Variants in RNF17 observed in about 807,000 individuals in gnomAD.
The protein encoded by RNF17 is spermatogenesis associated 23.
In RNF17, 31 loss-of-function variants were observed where a neutral mutation model predicts 200.5. The observed-to-expected ratio is 0.15, with a 90% confidence interval of 0.12 to 0.21. The LOEUF (loss-of-function observed/expected upper bound fraction) is 0.21, where lower values mean the gene tolerates loss of function less well. Ranked by LOEUF, RNF17 falls within the 10% of genes least tolerant of loss-of-function variation. The pLI is 1.00. For synonymous variants in RNF17, 606 were observed against 637.8 expected, an observed-to-expected ratio of 0.95 and a Z score of 0.75; for missense variants, 1,628 against 1,905.1, an observed-to-expected ratio of 0.85 and a Z score of 2.71.
At position 24,764,250 on chromosome 13, in the gene RNF17, A is replaced by G. The variant is rs775805483; in HGVS notation, c.47A>G (p.Gln16Arg). 2 of 1,609,836 alleles carry G rather than the reference A, an allele frequency of 1.2e-6. No individual in the cohort carries two copies. The highest frequency in any genetic ancestry group is 1.7e-6 in the Non-Finnish European group (2 of 1,176,784). ...SKTGPSRSSY[Q>R]RMGRKSQPWG... Reference sequence around the variant, plus strand: ...ACTGGGCCTTCTAGGTCTTCCTACCAGCGAATGGGGAGGAAGAGTCAGCCC... The same window carrying G: ...ACTGGGCCTTCTAGGTCTTCCTACCGGCGAATGGGGAGGAAGAGTCAGCCC... The change falls in exon 1 of 36, where the codon CAG (glutamine) becomes CGG (arginine). Residue 16 changes from glutamine (Q) to arginine (R), a missense_variant. Physicochemically the swap from Gln to Arg is conservative, Grantham distance 43. This residue lies in a region of RNF17 where 502 missense variants were observed against 501.7 expected (regional missense o/e 1.00). Coordinates refer to ENST00000255324, the MANE Select transcript of RNF17 (RefSeq NM_031277.3).
intron 22 of RNF17, among the ~76,000 whole-genome samples, chr13:24,846,386 T>C (rs557592758): frequency 6.6e-6 from 1 of 152,352 alleles, no homozygotes; most frequent in East Asian, 1.9e-4. Flanking sequence ...ATCTAGCCTC[T>C]AAGCCAAAAA....
At chr13:24,826,492 A>C (rs1888651505) in intron 16 of RNF17, among the ~76,000 whole-genome samples, 1 of 152,158 alleles carries the variant, frequency 6.6e-6, no homozygotes, top group African/African-American at 2.4e-5. Context: ...AAGAGTAAAA[A>C]GCCAGTGTGG....
chr13:24,869,153 A>C (rs1481913058), intron 31 of RNF17, among the ~76,000 whole-genome samples: 1 of 152,190 alleles, frequency 6.6e-6, no homozygotes, highest in Non-Finnish European at 1.5e-5. Context: ...AACCTAGAAT[A>C]GTGCCTGTTA....
intron 25 of RNF17, among the ~76,000 whole-genome samples, chr13:24,857,665 A>G (rs1224512997): frequency 6.6e-6 from 1 of 152,192 alleles, no homozygotes; most frequent in African/African-American, 2.4e-5. Flanking sequence ...ACTTCAGGTC[A>G]AGGCAGGAAG....
At chr13:24,837,069 G>T (rs1200006569) in intron 18 of RNF17, among the ~76,000 whole-genome samples, 2 of 152,290 alleles carry the variant, frequency 1.3e-5, no homozygotes, top group African/African-American at 4.8e-5. Context: ...ACGAGCAAGG[G>T]TAGTTATTCT....
At chr13:24,884,215 G>A, downstream of RNF17, 5 of 1,614,186 alleles carry the variant, frequency 3.1e-6, no homozygotes, top group Non-Finnish European at 4.2e-6. Context: ...TATGTCGTGT[G>A]AGTGGTCTGG....
At chr13:24,822,409 A>G (rs1310196748) in intron 15 of RNF17, among the ~76,000 whole-genome samples, 1 of 151,790 alleles carries the variant, frequency 6.6e-6, no homozygotes, top group Non-Finnish European at 1.5e-5. Flanking sequence ...CTGCCTAAGT[A>G]ATTTCTTTTT....
At chr13:24,851,055 C>T (rs567111690) in intron 23 of RNF17, among the ~76,000 whole-genome samples, 9 of 152,148 alleles carry the variant, frequency 5.9e-5, no homozygotes, top group Non-Finnish European at 8.8e-5. Flanking sequence ...AGTGCAGTGG[C>T]GCGATCTCGG....
At chr13:24,778,903 T>C (rs1192228833) in intron 4 of RNF17, among the ~76,000 whole-genome samples, 1 of 152,220 alleles carries the variant, frequency 6.6e-6, no homozygotes, top group Non-Finnish European at 1.5e-5. Flanking sequence ...AGATCATTAA[T>C]GGAGGCCACG....
At chr13:24,832,033 G>A (rs940667061) in intron 18 of RNF17, 55 bp downstream of exon 18, 1 of 1,223,498 alleles carries the variant, frequency 8.2e-7, no homozygotes, top group Non-Finnish European at 1.1e-6. Context: ...ATAATAATAT[G>A]AATAACATTT....
At chr13:24,787,529 C>G (rs937235804) in intron 6 of RNF17, among the ~76,000 whole-genome samples, 4 of 152,186 alleles carry the variant, frequency 2.6e-5, no homozygotes, top group African/African-American at 9.6e-5. Flanking sequence ...AGCCTGAGGT[C>G]AGGCTTAAGA....
rs759317181 is a variant in RNF17 at position 24,799,603 on chromosome 13, T to C, written c.1589+19T>C. On this transcript the variant is annotated intron_variant, in intron 12 of 35. Coordinates refer to ENST00000255324, the MANE Select transcript of RNF17 (RefSeq NM_031277.3). ...TCACTGGGTATGATATTTTATAATA[T>C]GTATCCTTGGCCTGCTTAGAAACAT... The C allele has an allele frequency of 4.0e-6, 6 of 1,510,912 alleles. No individual in the cohort carries two copies. Among genetic ancestry groups the C allele is most frequent in the Non-Finnish European group, 5.5e-6 (6 of 1,095,516 alleles). The allele number at this position is 1,510,912 out of a possible 1,614,324, so 93.6% of individuals were successfully genotyped here. A position where few individuals can be genotyped will look rare whatever the true frequency, so the allele number is the denominator to read the frequency against.
At chr13:24,759,100 A>AC in the RNF17 span, among the ~76,000 whole-genome samples, 1 of 151,474 alleles carries the variant, frequency 6.6e-6, no homozygotes, top group Non-Finnish European at 1.5e-5. Flanking sequence ...AAAAAAAAAA[A>AC]AAACAACACT....
intron 1 of RNF17, 45 bp from the exon 2 acceptor site, chr13:24,767,227 A>AGTC: frequency 7.6e-7 from 1 of 1,308,270 alleles, no homozygotes; most frequent in South Asian, 1.3e-5. Flanking sequence ...CTGTCTCAAT[A>AGTC]ATCATCATCA....
intron 2 of RNF17, among the ~76,000 whole-genome samples, chr13:24,771,029 G>A (rs1880589290): frequency 6.6e-6 from 1 of 152,200 alleles, no homozygotes; most frequent in Non-Finnish European, 1.5e-5. Context: ...GATCAGTGAA[G>A]TTGAGCAACT....
Position 24,804,313 on chromosome 13 carries a change from C to T in RNF17, c.1975C>T (p.His659Tyr). The change falls in exon 15 of 36, where the codon CAC becomes TAC. Residue 659 changes from histidine (H) to tyrosine (Y), a missense_variant. This residue lies in a region of RNF17 where 289 missense variants were observed against 384.9 expected (regional missense o/e 0.75). Coordinates refer to ENST00000255324, the MANE Select transcript of RNF17 (RefSeq NM_031277.3). ...AKFKSQSLRS[H>Y]FEKNTTLHYH... is the part of the protein sequence containing the mutation. Reference sequence around the variant, plus strand: ...GTTTAAGTCACAATCACTAAGAAGTCACTTTGAAAAAAATACTACTTTACA... The same window carrying T: ...GTTTAAGTCACAATCACTAAGAAGTTACTTTGAAAAAAATACTACTTTACA... 2 of 1,612,774 alleles carry T rather than the reference C, an allele frequency of 1.2e-6. No homozygotes were observed. The highest frequency in any genetic ancestry group is 1.7e-6 in the Non-Finnish European group (2 of 1,179,166).
Position 24,797,428 on chromosome 13 carries a change from C to T in RNF17, c.1399+1133C>T, listed in dbSNP as rs572055290. Among the ~76,000 whole-genome samples, 17 of 152,200 alleles carry T rather than the reference C, an allele frequency of 1.1e-4. No individual in the cohort carries two copies. The East Asian group carries it at 3.3e-3, about 29-fold the overall frequency. ...CATGAAGAACAGTAAATGGCTTCAG[C>T]AGACTTTTATCCATTGAAAGAAAGA... On this transcript the variant is annotated intron_variant, in intron 11 of 35. Coordinates refer to ENST00000255324, the MANE Select transcript of RNF17 (RefSeq NM_031277.3).
chr13:24,862,807 T>C lies in RNF17; in HGVS notation c.3975+14T>C. 2 of 1,398,070 alleles carry C rather than the reference T, an allele frequency of 1.4e-6. No homozygotes were observed. The highest frequency in any genetic ancestry group is 2.0e-6 in the Non-Finnish European group (2 of 991,214). 86.6% of individuals were successfully genotyped at this position (1,398,070 alleles called of 1,614,324 possible). A position where few individuals can be genotyped will look rare whatever the true frequency, so the allele number is the denominator to read the frequency against. On this transcript the variant is annotated intron_variant, in intron 28 of 35. Transcript: ENST00000255324. The stretch of plus-strand genomic sequence containing the variant: ...ATTCACATTATGGTAATTTAAAGTA[T>C]ATATAGTTGTTATAAATTACTTGCC...
intron 24 of RNF17, among the ~76,000 whole-genome samples, chr13:24,852,432 T>C (rs537753833): frequency 1.4e-4 from 22 of 152,150 alleles, no homozygotes; most frequent in South Asian, 4.2e-4. Context: ...GCCACCACGC[T>C]CGGCCTCTTT....
Sources: gnomAD v4.1 joint callset for allele counts (sites outside exome capture counted in the v4.1 genomes callset) on GRCh38, gnomAD v4.1.1 for gene constraint, gnomAD v4.1.1 regional missense constraint, MANE v1.5 for transcripts, NCBI Gene and HGNC (gene_info 2026-07-23, HGNC 2026-07-21) for gene names.